The following STIM2 variants were observed in gnomAD, a reference collection of about 807,000 sequenced individuals.
STIM2 encodes the protein stromal interaction molecule 2.
Under a neutral mutation model 85.8 loss-of-function variants are expected in STIM2, and 31 were observed. That is an observed-to-expected ratio of 0.36 (90% CI 0.27 to 0.49). The LOEUF is 0.49. Ranked by LOEUF, STIM2 falls within the 20% of genes least tolerant of loss-of-function variation. The pLI is 0.98. For missense variants in STIM2, 841 were observed against 927.6 expected, an observed-to-expected ratio of 0.91 and a Z score of 1.21; for synonymous variants, 356 against 331.1, an observed-to-expected ratio of 1.08 and a Z score of -0.82.
At chr4:27,019,283 A>G in intron 11 of STIM2, 1 of 420,926 alleles carries the variant, frequency 2.4e-6, no homozygotes, top group Non-Finnish European at 4.3e-6. Flanking sequence ...GCAAGTGATC[A>G]GTGCAGCATA....
At chr4:26,975,268 T>C (rs923417998) in intron 3 of STIM2, among the ~76,000 whole-genome samples, 16 of 152,342 alleles carry the variant, frequency 1.1e-4, no homozygotes, top group African/African-American at 3.8e-4. Context: ...TTCTCTGTCC[T>C]GCTTTGTTCC....
chr4:26,982,569 T>C (rs1004085594), intron 3 of STIM2, among the ~76,000 whole-genome samples: 1 of 152,158 alleles, frequency 6.6e-6, no homozygotes, highest in African/African-American at 2.4e-5. Flanking sequence ...TCCCTACTTA[T>C]TGGCACAAAA....
intron 3 of STIM2, among the ~76,000 whole-genome samples, chr4:26,976,145 A>G (rs867263972): frequency 6.6e-5 from 10 of 152,050 alleles, no homozygotes; most frequent in Admixed American, 3.9e-4. Flanking sequence ...TTTTCCAGGT[A>G]GTCTGTCATG....
chr4:26,865,497 A>G (rs566997687), intron 1 of STIM2, among the ~76,000 whole-genome samples: 100 of 152,286 alleles, frequency 6.6e-4, no homozygotes, highest in African/African-American at 2.3e-3. Flanking sequence ...TAGTATTTTC[A>G]GATTAATTTA....
At chr4:26,876,585 T>C (rs1418792959) in intron 1 of STIM2, among the ~76,000 whole-genome samples, 2 of 152,232 alleles carry the variant, frequency 1.3e-5, no homozygotes, top group Non-Finnish European at 2.9e-5. Flanking sequence ...AGTGGAATTA[T>C]CATCTTAGAG....
chr4:26,932,807 C>T (rs754452433), intron 2 of STIM2, among the ~76,000 whole-genome samples: 1 of 152,142 alleles, frequency 6.6e-6, no homozygotes, highest in Non-Finnish European at 1.5e-5. Flanking sequence ...AAACTAACTT[C>T]GGTTCAGCAG....
intron 3 of STIM2, among the ~76,000 whole-genome samples, chr4:26,960,138 T>C (rs191850013): frequency 2.3e-3 from 347 of 152,330 alleles, no homozygotes; most frequent in African/African-American, 8.1e-3. Context: ...GGACAGGGCA[T>C]GTTGAGTGTG....
rs144246677 is a variant in STIM2, at chr4:27,017,550, G to T, written c.1490-161G>T. ...GTTTCTATTTCTTAACTTTCCTAGTGTAGGTAGTAGAGAATGGTAATAACT... is the reference window on the plus strand; with the variant it reads ...GTTTCTATTTCTTAACTTTCCTAGTTTAGGTAGTAGAGAATGGTAATAACT... On this transcript the variant is annotated intron_variant, in intron 10 of 11. Transcript: ENST00000467087. Among the ~76,000 whole-genome samples the T allele has an allele frequency of 1.3e-3, 198 of 151,818 alleles. 1 individual carries two copies. Among genetic ancestry groups the T allele is most frequent in the Non-Finnish European group, 2.6e-3 (178 of 67,958 alleles).
At chr4:26,907,186 A>T (rs987489619) in intron 1 of STIM2, among the ~76,000 whole-genome samples, 1 of 152,056 alleles carries the variant, frequency 6.6e-6, no homozygotes, top group South Asian at 2.1e-4. Flanking sequence ...TTTTAGTGTT[A>T]TTTTCAGTAA....
chr4:26,928,428 A>C (rs550317827), intron 2 of STIM2, among the ~76,000 whole-genome samples: 44 of 152,230 alleles, frequency 2.9e-4, no homozygotes, highest in Non-Finnish European at 4.4e-5. Flanking sequence ...GTATCAAGGA[A>C]GCTTTTGCAG....
rs147233397 is a variant in STIM2, at chr4:26,954,999, G to A, written c.283-2613G>A. The stretch of plus-strand genomic sequence containing the variant: ...CTTTATTAGGAATTTTATTTCTTAG[G>A]AATTCTTTATTATTTTTTCTTAGAA... On this transcript the variant is annotated intron_variant, in intron 2 of 11. Coordinates refer to ENST00000467087, the MANE Select transcript of STIM2 (RefSeq NM_020860.4). 4.3e-3 allele frequency among the ~76,000 whole-genome samples: 634 copies of A among 145,908 alleles called. 49 individuals carry two copies. The highest frequency in any genetic ancestry group is 6.0e-3 in the Non-Finnish European group (399 of 66,640).
At chr4:26,991,000 GTTA>G (rs1727747516) in intron 3 of STIM2, among the ~76,000 whole-genome samples, 1 of 152,102 alleles carries the variant, frequency 6.6e-6, no homozygotes, top group Non-Finnish European at 1.5e-5. Flanking sequence ...AAGTAGTACA[GTTA>G]TTAAGGAAAA....
chr4:27,021,168 C>A, intron 11 of STIM2: 1 of 1,078,446 alleles, frequency 9.3e-7, no homozygotes, highest in Non-Finnish European at 1.3e-6. Flanking sequence ...TTATGAAGTA[C>A]CTACCGTAAA....
intron 3 of STIM2, among the ~76,000 whole-genome samples, chr4:26,976,182 C>T (rs1488527254): frequency 1.3e-5 from 2 of 152,062 alleles, no homozygotes; most frequent in Non-Finnish European, 2.9e-5. Context: ...AAAGGGAAAT[C>T]CCCCGACCCC....
intron 1 of STIM2, among the ~76,000 whole-genome samples, chr4:26,870,035 G>A (rs1382597763): frequency 1.3e-5 from 2 of 152,090 alleles, no homozygotes; most frequent in Non-Finnish European, 2.9e-5. Flanking sequence ...AGGACATTAT[G>A]CTAAGTGAAG....
intron 10 of STIM2, among the ~76,000 whole-genome samples, chr4:27,013,193 A>G (rs1054328055): frequency 4.2e-5 from 6 of 141,368 alleles, no homozygotes; most frequent in African/African-American, 1.3e-4. Flanking sequence ...CATGGTTTCT[A>G]GTTACCTGTG....
chr4:26,953,727 T>C (rs1200537475), intron 2 of STIM2, among the ~76,000 whole-genome samples: 1 of 152,112 alleles, frequency 6.6e-6, no homozygotes, highest in East Asian at 1.9e-4. Flanking sequence ...ACCTCTGTTC[T>C]CTTTCATTAT....
At chr4:26,976,910 C>T (rs183884378) in intron 3 of STIM2, among the ~76,000 whole-genome samples, 56 of 152,276 alleles carry the variant, frequency 3.7e-4, no homozygotes, top group African/African-American at 1.1e-3. Flanking sequence ...ATGGAGTTAA[C>T]GCTCTTTTAG....
chr4:26,966,371 G>A (rs1726717081), intron 3 of STIM2, among the ~76,000 whole-genome samples: 1 of 152,148 alleles, frequency 6.6e-6, no homozygotes, highest in African/African-American at 2.4e-5. Context: ...TATTGCAGGA[G>A]AGTCACTATA....
Sources: gnomAD v4.1 joint callset for allele counts (sites outside exome capture counted in the v4.1 genomes callset) on GRCh38, gnomAD v4.1.1 for gene constraint, MANE v1.5 for transcripts, NCBI Gene and HGNC (gene_info 2026-07-23, HGNC 2026-07-21) for gene names.